Variants in GNPAT observed in about 807,000 individuals in gnomAD.
The protein encoded by GNPAT is glyceronephosphate O-acyltransferase, also known as dihydroxyacetone phosphate acyltransferase.
In GNPAT, 30 loss-of-function variants were observed where a neutral mutation model predicts 78.4. That is an observed-to-expected ratio of 0.38 (90% CI 0.29 to 0.52). The LOEUF (loss-of-function observed/expected upper bound fraction) is 0.52. Among genes scored for constraint, GNPAT ranks in the 20% least tolerant of loss-of-function variants. The pLI, the probability that GNPAT is intolerant of heterozygous loss-of-function variation, is 0.84. For synonymous variants in GNPAT, 271 were observed against 281.1 expected, an observed-to-expected ratio of 0.96 and a Z score of 0.36; for missense variants, 714 against 812.2, an observed-to-expected ratio of 0.88 and a Z score of 1.47.
chr1:231,252,651 G>A (rs748469680), intron 2 of GNPAT, among the ~76,000 whole-genome samples: 2 of 151,820 alleles, frequency 1.3e-5, no homozygotes, highest in African/African-American at 4.8e-5. Flanking sequence ...TTTTTTTCCT[G>A]GTCAGAAGAG....
intron 2 of GNPAT, among the ~76,000 whole-genome samples, chr1:231,254,944 G>T (rs1224161788): frequency 6.6e-6 from 1 of 151,678 alleles, no homozygotes; most frequent in Non-Finnish European, 1.5e-5. Flanking sequence ...GTAGAGATGG[G>T]GTCTCACCAT....
intron 2 of GNPAT, chr1:231,258,307 T>G (rs1685123094): frequency 6.6e-6 from 1 of 151,996 alleles, no homozygotes; most frequent in Admixed American, 6.6e-5. Flanking sequence ...CCTGGGAGAG[T>G]GGGTGAGTTA....
At position 231,272,375 on chromosome 1, in the gene GNPAT, C is replaced by T; in HGVS notation, c.1586C>T (p.Pro529Leu). ...DVFADEFIFL[P>L]GNTLKDFEEG... ...TTTGCAGATGAGTTCATCTTCCTTC[C>T]AGGAAACACACTAAAGGTAAAGTGC... Residue 529 changes from proline (P) to leucine (L), a missense_variant, in exon 11 of 16, where the codon CCA (proline) becomes CTA (leucine). By Grantham distance (98) the Pro-to-Leu change is moderately conservative. Transcript: ENST00000366647. 1.3e-6 allele frequency: 2 copies of T among 1,569,008 alleles called. No individual in the cohort carries two copies. The highest frequency in any genetic ancestry group is 2.2e-5 in the East Asian group (1 of 44,504).
chr1:231,258,733 T>C (rs1685136331), intron 2 of GNPAT, among the ~76,000 whole-genome samples: 1 of 141,968 alleles, frequency 7.0e-6, no homozygotes, highest in Admixed American at 7.4e-5. Context: ...CAGGTTTACA[T>C]CATTCTCCTG....
At chr1:231,271,674 G>A (rs1685569296) in intron 10 of GNPAT, among the ~76,000 whole-genome samples, 3 of 152,064 alleles carry the variant, frequency 2.0e-5, no homozygotes, top group Admixed American at 2.0e-4. Context: ...AATATAGAGG[G>A]AAATTAAGAA....
chr1:231,273,776 C>T, intron 11 of GNPAT, 146 bp from the exon 12 acceptor site: 1 of 690,442 alleles, frequency 1.4e-6, no homozygotes. Flanking sequence ...GGGGAAATAG[C>T]TGGTATTCTG....
intron 11 of GNPAT, among the ~76,000 whole-genome samples, chr1:231,273,441 C>T (rs1246676924): frequency 1.3e-5 from 2 of 151,902 alleles, no homozygotes; most frequent in South Asian, 2.1e-4. Flanking sequence ...TTAGTAGAGA[C>T]GGGGTTTCAC....
At chr1:231,275,122 C>A in intron 12 of GNPAT, 99 bp from the exon 13 acceptor site, 1 of 769,108 alleles carries the variant, frequency 1.3e-6, no homozygotes, top group East Asian at 2.7e-5. Context: ...GTGATATATC[C>A]TTCTCTTAAG....
Position 231,248,113 on chromosome 1 carries a change from C to T in GNPAT, c.79-2848C>T, listed in dbSNP as rs192260415. Among the ~76,000 whole-genome samples, 448 of 152,288 alleles carry T rather than the reference C, an allele frequency of 2.9e-3. 4 individuals are homozygous for T. Among genetic ancestry groups the T allele is most frequent in the Middle Eastern group, 3.4e-3 (1 of 294 alleles). ...GAGTTGGGGGCACCAACCCTCTGCA[C>T]AGTCGAAAATTCACAATAACTCTTG... On this transcript the variant is annotated intron_variant, in intron 1 of 15. Transcript: ENST00000366647.
chr1:231,242,758 G>A (rs11122256), intron 1 of GNPAT, among the ~76,000 whole-genome samples: 83,521 of 152,066 alleles, frequency 0.55, 23,130 homozygotes, highest in South Asian at 0.63. Context: ...TTGTTTGTTT[G>A]TTTGTTTGTT....
At chr1:231,242,694 G>A (rs1684645825) in intron 1 of GNPAT, among the ~76,000 whole-genome samples, 1 of 152,166 alleles carries the variant, frequency 6.6e-6, no homozygotes, top group African/African-American at 2.4e-5. Flanking sequence ...GCTCCCAACT[G>A]GTTTGTGAAT....
Position 231,262,733 on chromosome 1 carries a change from C to T in GNPAT, c.449C>T (p.Ala150Val), listed in dbSNP as rs1333232804. 6.2e-7 allele frequency: 1 copy of T among 1,609,192 alleles called. No homozygotes were observed. The highest frequency in any genetic ancestry group is 8.5e-7 in the Non-Finnish European group (1 of 1,175,614). The stretch of plus-strand genomic sequence containing the variant: ...ACATTTACTTTCAAGCTACAAAGAG[C>T]CATCCAGGAGCATCCTGTTGTTCTG... ...NEEGIQKLQRAIQEHPVVLLP... is the reference protein window; with the variant it reads ...NEEGIQKLQRVIQEHPVVLLP... The change falls in exon 4 of 16, where the codon GCC becomes GTC. Residue 150 changes from alanine (A) to valine (V), a missense_variant. Coordinates refer to ENST00000366647, the MANE Select transcript of GNPAT (RefSeq NM_014236.4).
In GNPAT at chr1:231,241,515, C is replaced by G. The variant is rs897017318; in HGVS notation, c.78+59C>G. 2.5e-6 allele frequency: 3 copies of G among 1,217,384 alleles called. No individual in the cohort carries two copies. In the Admixed American group the frequency reaches 5.0e-5, roughly 20 times the overall value. The allele number at this position is 1,217,384 out of a possible 1,614,324, so 75.4% of individuals were successfully genotyped here. A position where few individuals can be genotyped will look rare whatever the true frequency, so the allele number is the denominator to read the frequency against. On this transcript the variant is annotated intron_variant, in intron 1 of 15. Transcript: ENST00000366647. ...GCCGCGCGAAATAGTACCCCTTTCTCCCAGTCCCTATTCCTCCGGCCCACC... is the reference window on the plus strand; with the variant it reads ...GCCGCGCGAAATAGTACCCCTTTCTGCCAGTCCCTATTCCTCCGGCCCACC...
intron 1 of GNPAT, among the ~76,000 whole-genome samples, chr1:231,247,970 A>C (rs989620290): frequency 2.6e-5 from 4 of 152,192 alleles, no homozygotes; most frequent in African/African-American, 9.7e-5. Context: ...GTATTTGGCA[A>C]GCTTTTTCAA....
At chr1:231,243,080 G>C (rs1684657646) in intron 1 of GNPAT, among the ~76,000 whole-genome samples, 1 of 152,240 alleles carries the variant, frequency 6.6e-6, no homozygotes, top group Non-Finnish European at 1.5e-5. Context: ...AATATATACA[G>C]TATCCTACTC....
Position 231,267,730 on chromosome 1 carries a change from T to C in GNPAT, c.1106T>C (p.Val369Ala). Reference protein sequence around the residue: ...SEDMHAFVTEVAYKMELLQIE... With the variant: ...SEDMHAFVTEAAYKMELLQIE... ...GACATGCATGCCTTTGTCACTGAAG[T>C]TGCCTACAAAATGGAGCTTCTGCAA... Residue 369 changes from valine to alanine, a missense_variant, in exon 9 of 16, where the codon GTT becomes GCT. Coordinates refer to ENST00000366647, the MANE Select transcript of GNPAT (RefSeq NM_014236.4). The C allele has an allele frequency of 6.2e-7, 1 of 1,612,872 alleles. No individual in the cohort carries two copies. Among genetic ancestry groups the C allele is most frequent in the Non-Finnish European group, 8.5e-7 (1 of 1,178,830 alleles).
At chr1:231,273,413 G>A (rs1213816020) in intron 11 of GNPAT, among the ~76,000 whole-genome samples, 2 of 151,836 alleles carry the variant, frequency 1.3e-5, no homozygotes, top group Non-Finnish European at 2.9e-5. Context: ...CACTACGCCC[G>A]GCTAATTTTT....
At chr1:231,248,030 C>T (rs114651610) in intron 1 of GNPAT, among the ~76,000 whole-genome samples, 1,992 of 152,196 alleles carry the variant, frequency 0.013, 30 homozygotes, top group African/African-American at 0.045. Flanking sequence ...CTGAAGACTC[C>T]CTCGCTCCCA....
In GNPAT at chr1:231,270,639, A is replaced by G. The variant is rs1190330136; in HGVS notation, c.1280-119A>G. The stretch of plus-strand genomic sequence containing the variant: ...ATCATTACCGTAATTGGTAGACAGT[A>G]AAACCTGTCACTTGAAAATGAGCAT... On this transcript the variant is annotated intron_variant, in intron 9 of 15. Coordinates refer to ENST00000366647, the MANE Select transcript of GNPAT (RefSeq NM_014236.4). The G allele has an allele frequency of 4.1e-6, 4 of 986,086 alleles. No individual in the cohort carries two copies. The Admixed American group carries it at 6.8e-5, about 17-fold the overall frequency. 61.1% of individuals were successfully genotyped at this position (986,086 alleles called of 1,614,324 possible).
Sources: allele counts gnomAD v4.1 joint callset (sites outside exome capture counted in the v4.1 genomes callset), GRCh38; gene constraint gnomAD v4.1.1; transcripts MANE v1.5; gene names NCBI Gene and HGNC (gene_info 2026-07-23, HGNC 2026-07-21).